KALRN: variants seen among roughly 807,000 people sequenced by gnomAD.
KALRN encodes kalirin RhoGEF kinase.
A neutral mutation model predicts 353.7 loss-of-function variants in KALRN; 70 were observed. That is an observed-to-expected ratio of 0.20 (90% CI 0.16 to 0.24). KALRN has a LOEUF of 0.24. Among genes scored for constraint, KALRN ranks in the 10% least tolerant of loss-of-function variants. The probability of loss-of-function intolerance (pLI) is 1.00; values close to 1 mark genes in which losing one functional copy is unlikely to be tolerated. For missense variants in KALRN, 2,791 were observed against 3,756.7 expected (o/e 0.74, Z 6.72); for synonymous variants, 1,391 against 1,434.8 (o/e 0.97, Z 0.69).
intron 10 of KALRN, among the ~76,000 whole-genome samples, chr3:124,382,177 C>T (rs1019256825): frequency 6.6e-5 from 10 of 152,014 alleles, no homozygotes; most frequent in Non-Finnish European, 1.3e-4. Flanking sequence ...AGGGTTATTG[C>T]GAGGATTAAA....
At chr3:124,673,911 C>A (rs2086830035) in intron 48 of KALRN, among the ~76,000 whole-genome samples, 1 of 152,132 alleles carries the variant, frequency 6.6e-6, no homozygotes, top group Non-Finnish European at 1.5e-5. Flanking sequence ...AAAGCCAGCG[C>A]ACTTTCAAAA....
rs565071750 is a variant in KALRN, at chr3:124,039,580, C to A, written c.73+5767C>A. On this transcript the variant is annotated intron_variant, in intron 1 of 59. Transcript: ENST00000682506. Reference sequence around the variant, plus strand: ...CTTAAACTTTTTTCTTAAATAATAACCCCATCACATCTAGGCAGGGAACCT... The same window carrying A: ...CTTAAACTTTTTTCTTAAATAATAAACCCATCACATCTAGGCAGGGAACCT... 2.6e-4 allele frequency among the ~76,000 whole-genome samples: 40 copies of A among 152,258 alleles called. 1 individual carries two copies. The East Asian group carries it at 6.9e-3, about 26-fold the overall frequency.
intron 33 of KALRN, among the ~76,000 whole-genome samples, chr3:124,520,759 C>T (rs1167122605): frequency 6.6e-6 from 1 of 152,178 alleles, no homozygotes; most frequent in Admixed American, 6.5e-5. Context: ...CAGAACCAGT[C>T]AAGGAGGTTT....
chr3:124,252,922 T>G (rs1488998058), intron 3 of KALRN, among the ~76,000 whole-genome samples: 1 of 152,218 alleles, frequency 6.6e-6, no homozygotes. Context: ...GGAGCAAACA[T>G]TCATTCAAAA....
intron 10 of KALRN, among the ~76,000 whole-genome samples, chr3:124,361,107 G>A (rs1325595232): frequency 6.6e-6 from 1 of 152,158 alleles, no homozygotes; most frequent in Non-Finnish European, 1.5e-5. Flanking sequence ...ATCAGGCTTA[G>A]AGAGGATCAT....
chr3:124,214,026 G>C (rs550703355), intron 1 of KALRN, among the ~76,000 whole-genome samples: 1 of 152,148 alleles, frequency 6.6e-6, no homozygotes, highest in East Asian at 1.9e-4. Flanking sequence ...GAGGGAATTT[G>C]CTCTTTTCCA....
At chr3:124,644,475 T>TA (rs1176857652) in intron 37 of KALRN, among the ~76,000 whole-genome samples, 4 of 152,012 alleles carry the variant, frequency 2.6e-5, no homozygotes, top group Non-Finnish European at 5.9e-5. Context: ...ATCCTTCCCC[T>TA]AGCCCCCAAC....
intron 2 of KALRN, among the ~76,000 whole-genome samples, chr3:124,228,499 A>C (rs2078823310): frequency 6.6e-6 from 1 of 152,084 alleles, no homozygotes; most frequent in South Asian, 2.1e-4. Flanking sequence ...TTAGATGTTT[A>C]GTTTTTGTTT....
At chr3:124,545,980 C>A (rs1443040673) in intron 33 of KALRN, among the ~76,000 whole-genome samples, 1 of 152,130 alleles carries the variant, frequency 6.6e-6, no homozygotes, top group East Asian at 1.9e-4. Flanking sequence ...TTCCGTAAGT[C>A]GTCTCCCTTT....
Position 124,073,664 on chromosome 3 carries a change from T to C in KALRN, c.73+39851T>C, listed in dbSNP as rs117550521. On this transcript the variant is annotated intron_variant, in intron 1 of 59. Transcript: ENST00000682506. ...TTCTTATTATGCACTAGCTACTATATCAAGCTCTTTAAAATAAGCATTACC... is the reference window on the plus strand; with the variant it reads ...TTCTTATTATGCACTAGCTACTATACCAAGCTCTTTAAAATAAGCATTACC... Among the ~76,000 whole-genome samples, 7 of 152,336 alleles carry C rather than the reference T, an allele frequency of 4.6e-5. 1 individual carries two copies. In the East Asian group the frequency reaches 1.4e-3, roughly 29 times the overall value.
At chr3:124,491,451 A>G (rs1158179933) in intron 31 of KALRN, 27 bp downstream of exon 31, 10 of 1,516,808 alleles carry the variant, frequency 6.6e-6, no homozygotes, top group Non-Finnish European at 9.0e-6. Context: ...GCTAGGCACA[A>G]ACTAGGGTTG....
At chr3:124,470,051 AG>A (rs2060735610) in intron 25 of KALRN, among the ~76,000 whole-genome samples, 1 of 152,238 alleles carries the variant, frequency 6.6e-6, no homozygotes, top group African/African-American at 2.4e-5. Context: ...TTGTGTACAA[AG>A]CCAAAAGGAA....
Position 124,691,722 on chromosome 3 carries a change from G to A in KALRN, c.7378-2082G>A, listed in dbSNP as rs9815726. ...ATTCTTAGCCTTCTTTTCTTTGACT[G>A]TCAAATGACTGACTGGGATGCCATT... On this transcript the variant is annotated intron_variant, in intron 51 of 59. Coordinates refer to ENST00000682506, the MANE Select transcript of KALRN (RefSeq NM_001388419.1). Among the ~76,000 whole-genome samples the A allele has an allele frequency of 4.8e-3, 732 of 152,276 alleles. 8 individuals are homozygous for A. Among genetic ancestry groups the A allele is most frequent in the African/African-American group, 0.017 (702 of 41,554 alleles).
chr3:124,366,353 C>A (rs1207905352), intron 10 of KALRN, among the ~76,000 whole-genome samples: 1 of 147,030 alleles, frequency 6.8e-6, no homozygotes, highest in Non-Finnish European at 1.5e-5. Flanking sequence ...ACCCTGCGGC[C>A]TTCCGCAGTG....
chr3:124,629,800 CTCTCTCTCTCTCTG>C (rs1489989158), intron 34 of KALRN, among the ~76,000 whole-genome samples: 1 of 126,702 alleles, frequency 7.9e-6, no homozygotes, highest in Non-Finnish European at 1.6e-5. Flanking sequence ...TTCATTTTTT[CTCTCTCTCTCTCTG>C]TCTCTCTCTC....
chr3:124,587,200 A>T (rs913985874), intron 34 of KALRN, among the ~76,000 whole-genome samples: 1 of 152,092 alleles, frequency 6.6e-6, no homozygotes, highest in Non-Finnish European at 1.5e-5. Flanking sequence ...AATACAATGG[A>T]AAGGCAACCT....
intron 1 of KALRN, among the ~76,000 whole-genome samples, chr3:124,223,115 A>AT (rs2078101347): frequency 6.7e-6 from 1 of 150,008 alleles, no homozygotes; most frequent in African/African-American, 2.5e-5. Context: ...ATAACAGTTA[A>AT]TTGTCCTATT....
At chr3:124,480,605 T>G (rs1483168268) in intron 27 of KALRN, among the ~76,000 whole-genome samples, 2 of 152,158 alleles carry the variant, frequency 1.3e-5, no homozygotes, top group Non-Finnish European at 2.9e-5. Context: ...TTTTTGTGTG[T>G]GCGCTGACAG....
At chr3:124,242,138 C>T (rs2080531480) in intron 3 of KALRN, among the ~76,000 whole-genome samples, 1 of 152,170 alleles carries the variant, frequency 6.6e-6, no homozygotes, top group South Asian at 2.1e-4. Context: ...TTAGAAGATT[C>T]ACTCTGGCAA....
Sources: allele counts gnomAD v4.1 joint callset (sites outside exome capture counted in the v4.1 genomes callset), GRCh38; gene constraint gnomAD v4.1.1; transcripts MANE v1.5; gene names NCBI Gene and HGNC (gene_info 2026-07-23, HGNC 2026-07-21).